The following NOL4 variants were observed in gnomAD, a reference collection of about 807,000 sequenced individuals.
NOL4 encodes the protein cancer/testis antigen 125.
In NOL4, 17 loss-of-function variants were observed where a neutral mutation model predicts 75.9. The observed-to-expected ratio is 0.22, with a 90% CI of 0.15 to 0.34. The LOEUF is 0.34. NOL4 is among the 10% of genes least tolerant of loss of function. The pLI is 1.00. For synonymous variants in NOL4, 292 were observed against 289.9 expected, an observed-to-expected ratio of 1.01 and a Z score of -0.07; for missense variants, 614 against 793.5, an observed-to-expected ratio of 0.77 and a Z score of 2.72.
intron 6 of NOL4, among the ~76,000 whole-genome samples, chr18:33,992,186 A>C (rs534440734): frequency 6.6e-6 from 1 of 152,138 alleles, no homozygotes; most frequent in Non-Finnish European, 1.5e-5. Context: ...AAATTAAATA[A>C]ATTCACATTC....
intron 1 of NOL4, among the ~76,000 whole-genome samples, chr18:34,131,887 A>C (rs2080669250): frequency 6.6e-6 from 1 of 152,222 alleles, no homozygotes; most frequent in Non-Finnish European, 1.5e-5. Flanking sequence ...TGCAGAAAAT[A>C]GGTATTAAAG....
intron 9 of NOL4, 78 bp downstream of exon 9, chr18:33,942,987 A>G: frequency 1.0e-6 from 1 of 954,328 alleles, no homozygotes; most frequent in Admixed American, 1.8e-5. Flanking sequence ...AAGAGCTTTT[A>G]CTCTTCAACA....
At chr18:34,184,920 A>G (rs1350655201) in intron 1 of NOL4, among the ~76,000 whole-genome samples, 1 of 152,154 alleles carries the variant, frequency 6.6e-6, no homozygotes, top group African/African-American at 2.4e-5. Context: ...TTGGGTAACC[A>G]GAAGTTGGAA....
At chr18:34,162,147 G>C (rs1353103309) in intron 1 of NOL4, among the ~76,000 whole-genome samples, 1 of 152,018 alleles carries the variant, frequency 6.6e-6, no homozygotes, top group African/African-American at 2.4e-5. Flanking sequence ...ATTAAAGACT[G>C]TGTATAAACC....
chr18:34,125,628 T>A (rs1349090726), intron 2 of NOL4, among the ~76,000 whole-genome samples: 1 of 152,088 alleles, frequency 6.6e-6, no homozygotes, highest in Non-Finnish European at 1.5e-5. Context: ...GTCCTAGATA[T>A]GATAGTATAA....
In NOL4 at chr18:33,897,723, C is replaced by T. The variant is rs114590191; in HGVS notation, c.1543-14299G>A. Among the ~76,000 whole-genome samples, 296 of 152,094 alleles carry T rather than the reference C, an allele frequency of 1.9e-3. 1 individual carries two copies. The highest frequency in any genetic ancestry group is 6.2e-3 in the African/African-American group (258 of 41,514). On this transcript the variant is annotated intron_variant, in intron 9 of 10. Coordinates refer to ENST00000261592, the MANE Select transcript of NOL4 (RefSeq NM_003787.5). Reference sequence around the variant, plus strand: ...AACTCCCATGACACATGTTTGACTACGTAACAAACCTTCACATGTACCTCC... The same window carrying T: ...AACTCCCATGACACATGTTTGACTATGTAACAAACCTTCACATGTACCTCC...
At chr18:34,153,497 C>T (rs1221511538) in intron 1 of NOL4, among the ~76,000 whole-genome samples, 1 of 151,884 alleles carries the variant, frequency 6.6e-6, no homozygotes, top group Non-Finnish European at 1.5e-5. Flanking sequence ...ATCTATTATT[C>T]CCATTTCACA....
At chr18:33,940,390 G>T (rs748077709) in intron 9 of NOL4, among the ~76,000 whole-genome samples, 1 of 152,084 alleles carries the variant, frequency 6.6e-6, no homozygotes, top group Non-Finnish European at 1.5e-5. Flanking sequence ...ATGAGTTCAT[G>T]TCCTTTGCAG....
At chr18:33,995,825 T>C (rs1203879469) in intron 6 of NOL4, among the ~76,000 whole-genome samples, 1 of 151,820 alleles carries the variant, frequency 6.6e-6, no homozygotes, top group Non-Finnish European at 1.5e-5. Flanking sequence ...TTCATGAAGA[T>C]TGGCTTTACG....
At chr18:34,096,344 T>C (rs1253716134) in intron 4 of NOL4, among the ~76,000 whole-genome samples, 1 of 152,096 alleles carries the variant, frequency 6.6e-6, no homozygotes, top group African/African-American at 2.4e-5. Context: ...TGTTATACTT[T>C]TGTTAAGAGC....
chr18:34,070,288 G>A (rs928176751), intron 5 of NOL4, among the ~76,000 whole-genome samples: 1 of 152,152 alleles, frequency 6.6e-6, no homozygotes, highest in African/African-American at 2.4e-5. Context: ...CAAAGTGCTG[G>A]GATTACAGGC....
intron 6 of NOL4, chr18:34,001,599 G>A (rs898260217): frequency 7.9e-5 from 12 of 152,170 alleles, no homozygotes; most frequent in African/African-American, 2.9e-4. Context: ...GCAGGGTAGA[G>A]GGGTGGGGCA....
chr18:34,222,038 G>A (rs945732086), intron 1 of NOL4: 2 of 1,535,294 alleles, frequency 1.3e-6, no homozygotes. Flanking sequence ...GATGCAGAAA[G>A]GTCTCCTGCA....
chr18:34,000,815 A>T (rs2073642068), intron 6 of NOL4, among the ~76,000 whole-genome samples: 1 of 152,136 alleles, frequency 6.6e-6, no homozygotes, highest in South Asian at 2.1e-4. Context: ...TTCTCTGCAG[A>T]CAACATAAAA....
chr18:34,216,997 G>A (rs1298410161), intron 1 of NOL4, among the ~76,000 whole-genome samples: 1 of 151,908 alleles, frequency 6.6e-6, no homozygotes, highest in African/African-American at 2.4e-5. Context: ...CTGTCCATAT[G>A]CAACTATCAG....
chr18:34,076,303 A>G (rs2077741842), intron 5 of NOL4, among the ~76,000 whole-genome samples: 1 of 152,100 alleles, frequency 6.6e-6, no homozygotes, highest in African/African-American at 2.4e-5. Context: ...AGTGCGCACA[A>G]ACTTTTTCAC....
intron 1 of NOL4, among the ~76,000 whole-genome samples, chr18:34,144,430 A>G (rs1354377138): frequency 2.6e-5 from 4 of 152,112 alleles, no homozygotes; most frequent in African/African-American, 9.7e-5. Context: ...ACAAGAACTC[A>G]AAAAACTAAC....
At chr18:33,984,647 C>T (rs764698306) in intron 6 of NOL4, among the ~76,000 whole-genome samples, 17 of 152,086 alleles carry the variant, frequency 1.1e-4, no homozygotes, top group Non-Finnish European at 2.5e-4. Context: ...CCCTCTTTGC[C>T]TTTCAGCCAT....
intron 5 of NOL4, among the ~76,000 whole-genome samples, chr18:34,091,376 T>C (rs2078514837): frequency 1.3e-5 from 2 of 151,540 alleles, no homozygotes; most frequent in South Asian, 4.2e-4. Context: ...AATAAAATAA[T>C]AAAACAAAAT....
Sources: gnomAD v4.1 joint callset for allele counts (sites outside exome capture counted in the v4.1 genomes callset) on GRCh38, gnomAD v4.1.1 for gene constraint, MANE v1.5 for transcripts, NCBI Gene and HGNC (gene_info 2026-07-23, HGNC 2026-07-21) for gene names.